The following CSMD1 variants were observed in gnomAD, a reference collection of about 807,000 sequenced individuals.
CSMD1 encodes the protein CUB and Sushi multiple domains 1, also known as CUB and sushi domain-containing protein 1.
CSMD1 carries 213 observed loss-of-function variants against 417.5 expected under a neutral mutation model. The ratio of observed to expected loss-of-function variants is 0.51; its 90% CI spans 0.46 to 0.57. CSMD1 has a LOEUF of 0.57. Among genes scored for constraint, CSMD1 ranks in the 20% least tolerant of loss-of-function variants. CSMD1 has a pLI of 0.00. For missense variants in CSMD1, 6,923 were observed against 4,529.7 expected (o/e 1.53, Z -15.17); for synonymous variants, 2,862 against 1,736.8 (o/e 1.65, Z -16.11).
At chr8:4,542,364 A>C (rs1432925680) in intron 2 of CSMD1, among the ~76,000 whole-genome samples, 1 of 152,332 alleles carries the variant, frequency 6.6e-6, no homozygotes, top group South Asian at 2.1e-4. Flanking sequence ...AACAAAAAAA[A>C]AGTTTTAATT....
chr8:3,725,250 T>C lies in CSMD1; in HGVS notation c.932-16759A>G, dbSNP rs142263608. ...GCTAGGAAGGCCCTCAAGGTGTGGG[T>C]TGAGAGGTAACCAATGAGTTTGGCA... On this transcript the variant is annotated intron_variant, in intron 6 of 69. Coordinates refer to ENST00000635120, the MANE Select transcript of CSMD1 (RefSeq NM_033225.6). 1.1e-4 allele frequency among the ~76,000 whole-genome samples: 16 copies of C among 152,034 alleles called. 1 individual carries two copies. The highest frequency in any genetic ancestry group is 3.4e-4 in the African/African-American group (14 of 41,466).
At chr8:4,898,689 A>G (rs57580100) in intron 1 of CSMD1, among the ~76,000 whole-genome samples, 28,447 of 152,022 alleles carry the variant, frequency 0.19, 3,407 homozygotes, top group East Asian at 0.5. Context: ...GACTGAGAAA[A>G]ACGAAATGGA....
At chr8:3,349,088 A>C (rs1317266848) in intron 21 of CSMD1, among the ~76,000 whole-genome samples, 1 of 152,224 alleles carries the variant, frequency 6.6e-6, no homozygotes, top group East Asian at 1.9e-4. Flanking sequence ...CACCGATGTA[A>C]ACATCCCACA....
At chr8:3,550,203 C>T (rs1479068331) in intron 10 of CSMD1, among the ~76,000 whole-genome samples, 4 of 152,196 alleles carry the variant, frequency 2.6e-5, no homozygotes, top group Non-Finnish European at 5.9e-5. Flanking sequence ...TGCAGCCCAT[C>T]AGCAGGCATT....
chr8:4,676,732 C>A (rs372196537), intron 1 of CSMD1, among the ~76,000 whole-genome samples: 11 of 152,020 alleles, frequency 7.2e-5, no homozygotes, highest in East Asian at 1.9e-4. Context: ...ATCTCTCCCC[C>A]AGCCCTCCTG....
At chr8:3,659,186 T>C (rs1306399391) in intron 7 of CSMD1, among the ~76,000 whole-genome samples, 3 of 152,186 alleles carry the variant, frequency 2.0e-5, no homozygotes, top group African/African-American at 7.2e-5. Flanking sequence ...CGAAGCAAAA[T>C]TGTATTCTAC....
intron 5 of CSMD1, among the ~76,000 whole-genome samples, chr8:3,800,506 C>A (rs1172135030): frequency 6.6e-6 from 1 of 152,104 alleles, no homozygotes; most frequent in South Asian, 2.1e-4. Context: ...CTACCTCACA[C>A]CATACAGAAA....
In CSMD1 at chr8:4,390,497, T is replaced by TTTTTTTTATTTATTTA. The variant is rs58291340; in HGVS notation, c.415+29455_415+29456insTAAATAAATAAAAAAA. ...AACTGTTACCCACAGAAGCGTCCAT[T>TTTTTTTTATTTATTTA]TTTATTTATTTATTTATTTATTTAT... On this transcript the variant is annotated intron_variant, in intron 3 of 69. Transcript: ENST00000635120. Among the ~76,000 whole-genome samples the TTTTTTTTATTTATTTA allele has an allele frequency of 2.8e-3, 387 of 140,360 alleles. 2 individuals carry two copies. The highest frequency in any genetic ancestry group is 9.0e-3 in the African/African-American group (336 of 37,138). 92.1% of individuals were successfully genotyped at this position (140,360 alleles called of 152,430 possible).
chr8:4,347,560 G>T (rs1275404990), intron 3 of CSMD1, among the ~76,000 whole-genome samples: 1 of 152,142 alleles, frequency 6.6e-6, no homozygotes, highest in African/African-American at 2.4e-5. Flanking sequence ...ATACTTCCCT[G>T]TTGCCTATTA....
intron 2 of CSMD1, among the ~76,000 whole-genome samples, chr8:4,502,253 G>A (rs986419134): frequency 2.0e-5 from 3 of 151,902 alleles, no homozygotes; most frequent in Non-Finnish European, 4.4e-5. Flanking sequence ...AAAGTTCTGG[G>A]TGCACATTCT....
chr8:3,166,749 T>C (rs564389828), intron 37 of CSMD1, among the ~76,000 whole-genome samples: 1 of 152,038 alleles, frequency 6.6e-6, no homozygotes, highest in Non-Finnish European at 1.5e-5. Flanking sequence ...GGAAGACATA[T>C]ACAAATAAAA....
At chr8:3,743,992 A>G (rs566728245) in intron 6 of CSMD1, among the ~76,000 whole-genome samples, 2 of 152,200 alleles carry the variant, frequency 1.3e-5, no homozygotes, top group Non-Finnish European at 2.9e-5. Flanking sequence ...TACCCCCGTT[A>G]CATGAAAATT....
intron 3 of CSMD1, among the ~76,000 whole-genome samples, chr8:4,065,076 G>C (rs1365275): frequency 6.6e-6 from 1 of 152,170 alleles, no homozygotes; most frequent in African/African-American, 2.4e-5. Context: ...TAATTTTACC[G>C]AATATAAAAA....
At chr8:4,273,119 C>G (rs1033701486) in intron 3 of CSMD1, among the ~76,000 whole-genome samples, 1 of 151,928 alleles carries the variant, frequency 6.6e-6, no homozygotes, top group Non-Finnish European at 1.5e-5. Context: ...GCCAAAGAGC[C>G]AAATGATAGA....
chr8:2,974,755 T>A (rs1045843094), intron 55 of CSMD1, 131 bp from the exon 56 acceptor site: 4 of 536,792 alleles, frequency 7.5e-6, no homozygotes, highest in Non-Finnish European at 1.2e-5. Context: ...CTGGTACTTA[T>A]GTAATTTGTG....
chr8:4,761,930 T>C (rs1043780654), intron 1 of CSMD1, among the ~76,000 whole-genome samples: 5 of 147,184 alleles, frequency 3.4e-5, no homozygotes, highest in East Asian at 3.9e-4. Context: ...TATCTATCTA[T>C]CTATCTATCT....
At chr8:4,085,341 G>C (rs982194474) in intron 3 of CSMD1, among the ~76,000 whole-genome samples, 2 of 152,044 alleles carry the variant, frequency 1.3e-5, no homozygotes, top group African/African-American at 4.8e-5. Context: ...CAAAATGAAT[G>C]GCATCTCACA....
rs1811162297 is a variant in CSMD1 at position 3,388,766 on chromosome 8, G to A, written c.2594-1084C>T. Among the ~76,000 whole-genome samples the A allele has an allele frequency of 2.0e-5, 3 of 152,154 alleles. No homozygotes were observed. The South Asian group carries it at 6.2e-4, about 32-fold the overall frequency. ...TCCTTGCTGCTGCGCAGTATGGCAG[G>A]AAAGCCTCCTTCCAACTCTGGAGGA... On this transcript the variant is annotated intron_variant, in intron 17 of 69. Coordinates refer to ENST00000635120, the MANE Select transcript of CSMD1 (RefSeq NM_033225.6).
chr8:4,048,097 A>T (rs1223674000), intron 3 of CSMD1, among the ~76,000 whole-genome samples: 1 of 152,182 alleles, frequency 6.6e-6, no homozygotes, highest in Admixed American at 6.5e-5. Flanking sequence ...TAAGTATCTC[A>T]GGGTAGACCC....
Sources: gnomAD v4.1 joint callset for allele counts (sites outside exome capture counted in the v4.1 genomes callset) on GRCh38, gnomAD v4.1.1 for gene constraint, MANE v1.5 for transcripts, NCBI Gene and HGNC (gene_info 2026-07-23, HGNC 2026-07-21) for gene names.